The following PCSK5 variants were observed in gnomAD, a reference collection of about 807,000 sequenced individuals.
The protein encoded by PCSK5 is proprotein convertase subtilisin/kexin type 5, also known as prohormone convertase 5.
A neutral mutation model predicts 233.2 loss-of-function variants in PCSK5; 129 were observed. The observed-to-expected ratio is 0.55, with a 90% CI of 0.48 to 0.64. The LOEUF is 0.64. PCSK5 is among the 30% of genes least tolerant of loss of function. The probability of loss-of-function intolerance (pLI) is 0.00; values close to 1 mark genes in which losing one functional copy is unlikely to be tolerated. For missense variants in PCSK5, 2,076 were observed against 2,430.1 expected (o/e 0.85, Z 3.06); for synonymous variants, 825 against 879.2 (o/e 0.94, Z 1.09).
At chr9:76,064,300 G>A (rs1457965890) in intron 5 of PCSK5, among the ~76,000 whole-genome samples, 1 of 95,152 alleles carries the variant, frequency 1.1e-5, no homozygotes, top group Non-Finnish European at 2.1e-5. Context: ...CTTCCCAGTA[G>A]GGGCGGCCGG....
At chr9:76,148,322 G>A (rs1823531180) in intron 10 of PCSK5, among the ~76,000 whole-genome samples, 1 of 141,682 alleles carries the variant, frequency 7.1e-6, no homozygotes, top group South Asian at 2.4e-4. Flanking sequence ...GCTTAGAGAG[G>A]GAGAGAGAGA....
At chr9:76,150,626 T>G (rs1486422311) in intron 10 of PCSK5, among the ~76,000 whole-genome samples, 2 of 152,020 alleles carry the variant, frequency 1.3e-5, no homozygotes, top group Non-Finnish European at 2.9e-5. Flanking sequence ...AGAGTGAAAC[T>G]CCATCTCTAA....
chr9:75,928,613 A>ATG (rs1554707496), intron 1 of PCSK5, among the ~76,000 whole-genome samples: 1 of 107,398 alleles, frequency 9.3e-6, no homozygotes, highest in Non-Finnish European at 1.9e-5. Context: ...ATATATATAT[A>ATG]TATATATATA....
At chr9:75,898,198 G>T (rs1442951234) in intron 1 of PCSK5, among the ~76,000 whole-genome samples, 1 of 152,144 alleles carries the variant, frequency 6.6e-6, no homozygotes, top group African/African-American at 2.4e-5. Flanking sequence ...CCAGACAGAG[G>T]TGTATGTAAT....
intron 9 of PCSK5, among the ~76,000 whole-genome samples, chr9:76,109,988 T>C (rs767353899): frequency 1.3e-5 from 2 of 152,156 alleles, no homozygotes; most frequent in Non-Finnish European, 2.9e-5. Flanking sequence ...GCTCTAAAAC[T>C]AAACCTAATC....
intron 1 of PCSK5, among the ~76,000 whole-genome samples, chr9:75,892,828 G>A (rs925329279): frequency 2.6e-5 from 4 of 152,206 alleles, no homozygotes; most frequent in African/African-American, 9.7e-5. Context: ...ACATATTCCA[G>A]AGAAGCCAGC....
intron 24 of PCSK5, among the ~76,000 whole-genome samples, chr9:76,253,246 TTC>T (rs1826870371): frequency 6.8e-6 from 1 of 146,846 alleles, no homozygotes; most frequent in Non-Finnish European, 1.5e-5. Flanking sequence ...CTTCTTCTTC[TTC>T]TTTTTTTTTT....
chr9:75,988,103 T>C (rs1472091945), intron 3 of PCSK5, among the ~76,000 whole-genome samples: 1 of 152,172 alleles, frequency 6.6e-6, no homozygotes, highest in African/African-American at 2.4e-5. Flanking sequence ...GAAGAACCAC[T>C]ATTATTTCAT....
At chr9:76,320,490 A>T in intron 30 of PCSK5, among the ~76,000 whole-genome samples, 1 of 84,864 alleles carries the variant, frequency 1.2e-5, no homozygotes, top group Non-Finnish European at 2.4e-5. Context: ...TTTTTTTGAG[A>T]CAGAATCTCG....
At chr9:76,055,022 T>C (rs1829771509) in intron 5 of PCSK5, among the ~76,000 whole-genome samples, 1 of 152,242 alleles carries the variant, frequency 6.6e-6, no homozygotes, top group Non-Finnish European at 1.5e-5. Context: ...CAGCGTGTTA[T>C]CTGTCAGATT....
chr9:75,892,260 T>TA (rs1237559478), intron 1 of PCSK5, among the ~76,000 whole-genome samples: 2 of 152,118 alleles, frequency 1.3e-5, no homozygotes, highest in African/African-American at 2.4e-5. Flanking sequence ...AAGGTGATGC[T>TA]ATGAGGATGA....
At chr9:76,027,110 T>G in intron 5 of PCSK5, 73 bp downstream of exon 5, 1 of 900,162 alleles carries the variant, frequency 1.1e-6, no homozygotes, top group Non-Finnish European at 1.8e-6. Flanking sequence ...CTGAGGGAAG[T>G]ATTTTCTTCA....
intron 7 of PCSK5, among the ~76,000 whole-genome samples, chr9:76,090,379 T>C (rs937157478): frequency 2.6e-5 from 4 of 152,210 alleles, no homozygotes; most frequent in Admixed American, 1.3e-4. Flanking sequence ...AAATGTATCT[T>C]TGAATTGCTA....
chr9:75,890,885 C>T lies in PCSK5; in HGVS notation c.-297C>T. On this transcript the variant is annotated 5_prime_UTR_variant, in exon 1 of 38. In the 5' UTR this introduces an upstream ATG that the reference lacks. Coordinates refer to ENST00000674117, the MANE Select transcript of PCSK5 (RefSeq NM_001372043.1). ...CCGGGCGAAACCCAACTGCGGAGGA[C>T]GCCCGCCCCACTCAGCCTCCTCCTG... 1 of 317,678 alleles carries T rather than the reference C, an allele frequency of 3.1e-6. No homozygotes were observed. The highest frequency in any genetic ancestry group is 5.7e-6 in the Non-Finnish European group (1 of 173,986). The allele number at this position is 317,678 out of a possible 1,614,324, so 19.7% of individuals were successfully genotyped here. A position where few individuals can be genotyped will look rare whatever the true frequency, so the allele number is the denominator to read the frequency against.
chr9:76,037,629 T>C (rs887204973), intron 5 of PCSK5, among the ~76,000 whole-genome samples: 7 of 152,108 alleles, frequency 4.6e-5, no homozygotes, highest in African/African-American at 1.7e-4. Flanking sequence ...GCGACAACCT[T>C]TGTGAGTCCC....
intron 7 of PCSK5, among the ~76,000 whole-genome samples, chr9:76,076,742 G>A (rs1000385221): frequency 3.3e-5 from 5 of 152,268 alleles, no homozygotes; most frequent in African/African-American, 1.2e-4. Flanking sequence ...AATCAGAATT[G>A]ATTCAATTTA....
intron 8 of PCSK5, among the ~76,000 whole-genome samples, chr9:76,097,246 C>CATTTTTT (rs1831563316): frequency 1.5e-5 from 1 of 67,326 alleles, no homozygotes; most frequent in East Asian, 5.2e-4. Flanking sequence ...AAGTGCATTT[C>CATTTTTT]TTTTTTTTTT....
chr9:76,327,034 A>G lies in PCSK5; in HGVS notation c.4340-975A>G, dbSNP rs1480349317. On this transcript the variant is annotated intron_variant, in intron 32 of 37. Coordinates refer to ENST00000674117, the MANE Select transcript of PCSK5 (RefSeq NM_001372043.1). ...GTAATCCCAGCCCTTTGGGAGGCCA[A>G]GGCAGGAAAATCACTTGAGGCCAGG... Among the ~76,000 whole-genome samples the G allele has an allele frequency of 2.0e-5, 3 of 152,052 alleles. No individual in the cohort carries two copies. In the East Asian group the frequency reaches 5.8e-4, roughly 29 times the overall value.
intron 5 of PCSK5, among the ~76,000 whole-genome samples, chr9:76,064,500 C>A (rs1374821039): frequency 7.0e-6 from 1 of 142,906 alleles, no homozygotes; most frequent in Non-Finnish European, 1.5e-5. Flanking sequence ...GCTGGCCGGG[C>A]GGGGGGCTGA....
Sources: allele counts gnomAD v4.1 joint callset (sites outside exome capture counted in the v4.1 genomes callset), GRCh38; gene constraint gnomAD v4.1.1; transcripts MANE v1.5; gene names NCBI Gene and HGNC (gene_info 2026-07-23, HGNC 2026-07-21).